The following SLC35F4 variants were observed in gnomAD, a reference collection of about 807,000 sequenced individuals.
SLC35F4 encodes the protein chromosome 14 open reading frame 36.
SLC35F4 carries 24 observed loss-of-function variants against 44.2 expected under a neutral mutation model. That is an observed-to-expected ratio of 0.54 (90% confidence interval 0.39 to 0.76). The LOEUF (loss-of-function observed/expected upper bound fraction) is 0.76, where lower values mean the gene tolerates loss of function less well. Ranked by LOEUF, SLC35F4 falls within the 30% of genes least tolerant of loss-of-function variation. The pLI is 0.00. For missense variants in SLC35F4, 562 were observed against 586.1 expected (o/e 0.96, Z 0.42); for synonymous variants, 238 against 223.6 (o/e 1.06, Z -0.57).
chr14:57,940,430 C>T (rs992690321), intron 1 of SLC35F4, among the ~76,000 whole-genome samples: 1 of 152,084 alleles, frequency 6.6e-6, no homozygotes, highest in African/African-American at 2.4e-5. Flanking sequence ...AAGCTTTCAT[C>T]ACCTCACAGT....
At chr14:57,614,420 A>G (rs1367482373) in intron 1 of SLC35F4, among the ~76,000 whole-genome samples, 3 of 152,210 alleles carry the variant, frequency 2.0e-5, no homozygotes, top group South Asian at 2.1e-4. Context: ...AGACTTCTTC[A>G]GTACAGGTAA....
intron 1 of SLC35F4, among the ~76,000 whole-genome samples, chr14:57,827,882 T>A (rs1250093324): frequency 6.6e-6 from 1 of 152,130 alleles, no homozygotes; most frequent in Non-Finnish European, 1.5e-5. Flanking sequence ...CATGAACAAT[T>A]TCCATAAAGC....
At chr14:57,596,039 ATAAC>A (rs2070465829) in intron 1 of SLC35F4, 1 of 152,304 alleles carries the variant, frequency 6.6e-6, no homozygotes, top group Admixed American at 6.5e-5. Flanking sequence ...AGATTGTAAA[ATAAC>A]TAAGATCATA....
chr14:57,599,164 C>CT (rs1309262237), intron 1 of SLC35F4, among the ~76,000 whole-genome samples: 3 of 152,212 alleles, frequency 2.0e-5, no homozygotes, highest in African/African-American at 7.2e-5. Flanking sequence ...CATAACACAA[C>CT]TTTGTCTGTT....
At chr14:57,669,064 T>C (rs2140263940) in intron 1 of SLC35F4, among the ~76,000 whole-genome samples, 1 of 152,218 alleles carries the variant, frequency 6.6e-6, no homozygotes, top group East Asian at 1.9e-4. Context: ...TAAGTTGGAT[T>C]CCTAGGTATT....
At chr14:57,793,007 T>C (rs114289364) in intron 1 of SLC35F4, among the ~76,000 whole-genome samples, 1,589 of 152,124 alleles carry the variant, frequency 0.01, 27 homozygotes, top group African/African-American at 0.036. Flanking sequence ...TTAAAAGCAC[T>C]CAGCAAAATT....
intron 1 of SLC35F4, among the ~76,000 whole-genome samples, chr14:57,684,993 A>G (rs2075026240): frequency 6.6e-6 from 1 of 152,200 alleles, no homozygotes; most frequent in Non-Finnish European, 1.5e-5. Context: ...TCTTAAGTGT[A>G]TATCAGAATA....
At chr14:57,619,799 A>G (rs1433917180) in intron 1 of SLC35F4, among the ~76,000 whole-genome samples, 1 of 152,136 alleles carries the variant, frequency 6.6e-6, no homozygotes, top group South Asian at 2.1e-4. Flanking sequence ...CCCTGAAAAA[A>G]GGTTAGGCAA....
At chr14:57,649,738 T>C (rs552153530) in intron 1 of SLC35F4, among the ~76,000 whole-genome samples, 1 of 152,288 alleles carries the variant, frequency 6.6e-6, no homozygotes, top group East Asian at 1.9e-4. Flanking sequence ...CTAGGTAATG[T>C]TGGCGAAATG....
At chr14:57,601,765 G>A (rs2070839939) in intron 1 of SLC35F4, among the ~76,000 whole-genome samples, 1 of 152,048 alleles carries the variant, frequency 6.6e-6, no homozygotes, top group Admixed American at 6.6e-5. Context: ...TTTTTACAAT[G>A]TAAAAATAAA....
In SLC35F4 at chr14:57,685,625, C is replaced by T. The variant is rs79145881; in HGVS notation, c.104-91501G>A. On this transcript the variant is annotated intron_variant, in intron 1 of 7. Transcript: ENST00000556826. Reference sequence around the variant, plus strand: ...TCTTTACAGTCCTAAACAGAGTCTACTGATCACATCACACTCTCCTTAATT... The same window carrying T: ...TCTTTACAGTCCTAAACAGAGTCTATTGATCACATCACACTCTCCTTAATT... Among the ~76,000 whole-genome samples, 1,186 of 152,294 alleles carry T rather than the reference C, an allele frequency of 7.8e-3. 23 individuals carry two copies. Among genetic ancestry groups the T allele is most frequent in the East Asian group, 0.039 (203 of 5,190 alleles).
intron 1 of SLC35F4, among the ~76,000 whole-genome samples, chr14:57,625,523 G>T (rs1421406791): frequency 3.3e-5 from 5 of 152,160 alleles, no homozygotes; most frequent in Admixed American, 6.6e-5. Context: ...AACAAAGCTG[G>T]AGGCGTCATG....
intron 1 of SLC35F4, among the ~76,000 whole-genome samples, chr14:57,792,000 A>T (rs1417698584): frequency 6.6e-6 from 1 of 152,064 alleles, no homozygotes; most frequent in African/African-American, 2.4e-5. Flanking sequence ...GCATTAGAGA[A>T]ATACCTAATG....
At chr14:57,899,832 G>C (rs113616443) in intron 1 of SLC35F4, among the ~76,000 whole-genome samples, 13,776 of 152,110 alleles carry the variant, frequency 0.091, 688 homozygotes, top group Middle Eastern at 0.11. Context: ...GGACCTTTGC[G>C]GTGAGTGTTA....
intron 1 of SLC35F4, among the ~76,000 whole-genome samples, chr14:57,758,001 A>ATGTG (rs34860997): frequency 0.15 from 19,615 of 128,680 alleles, 1,485 homozygotes; most frequent in Admixed American, 0.18. Context: ...TTATAGGTTC[A>ATGTG]TGTGTGTGTG....
chr14:57,842,349 C>T (rs924924876), intron 1 of SLC35F4, among the ~76,000 whole-genome samples: 19 of 152,168 alleles, frequency 1.2e-4, no homozygotes, highest in Non-Finnish European at 2.5e-4. Context: ...AAGAGATACC[C>T]TCTTGCTGGA....
At chr14:57,882,014 G>T (rs8004840) in intron 1 of SLC35F4, among the ~76,000 whole-genome samples, 37,126 of 152,040 alleles carry the variant, frequency 0.24, 6,137 homozygotes, top group African/African-American at 0.46. Context: ...TGGGTCTCCA[G>T]GTGACCACGG....
intron 1 of SLC35F4, among the ~76,000 whole-genome samples, chr14:57,742,191 T>C (rs1388630295): frequency 6.6e-6 from 1 of 152,130 alleles, no homozygotes; most frequent in East Asian, 1.9e-4. Flanking sequence ...CCAGCTAACA[T>C]CATAATGACA....
chr14:57,972,141 G>A (rs535616325), downstream of SLC35F4, among the ~76,000 whole-genome samples: 3 of 152,328 alleles, frequency 2.0e-5, no homozygotes, highest in African/African-American at 7.2e-5. Context: ...CTGGATTACA[G>A]TGAAAGAGGG....
Sources: allele counts gnomAD v4.1 joint callset (sites outside exome capture counted in the v4.1 genomes callset), GRCh38; gene constraint gnomAD v4.1.1; transcripts MANE v1.5; gene names NCBI Gene and HGNC (gene_info 2026-07-23, HGNC 2026-07-21).